The following RNF121 variants were observed in gnomAD, a reference collection of about 807,000 sequenced individuals.
RNF121 encodes ring finger protein 121.
Under a neutral mutation model 46.5 loss-of-function variants are expected in RNF121, and 21 were observed. That is an observed-to-expected ratio of 0.45 (90% confidence interval 0.32 to 0.65). The LOEUF (loss-of-function observed/expected upper bound fraction) is 0.65. Among genes scored for constraint, RNF121 ranks in the 30% least tolerant of loss-of-function variants. The probability of loss-of-function intolerance (pLI) is 0.04; values close to 1 mark genes in which losing one functional copy is unlikely to be tolerated. For missense variants in RNF121, 346 were observed against 416.0 expected (o/e 0.83, Z 1.46); for synonymous variants, 139 against 144.7 (o/e 0.96, Z 0.28).
chr11:71,995,409 C>A (rs76950159), intron 7 of RNF121, 41 bp from the exon 8 acceptor site: 118 of 1,505,090 alleles, frequency 7.8e-5, no homozygotes, highest in Non-Finnish European at 1.0e-4. Flanking sequence ...GCTGGAGTGC[C>A]GCCCTGGCTC....
At chr11:71,975,836 C>T (rs1165881799) in intron 3 of RNF121, among the ~76,000 whole-genome samples, 2 of 152,082 alleles carry the variant, frequency 1.3e-5, no homozygotes, top group African/African-American at 4.8e-5. Context: ...AAGAGTTGGA[C>T]CCAGAGACAG....
chr11:71,968,887 TC>T, intron 3 of RNF121, among the ~76,000 whole-genome samples: 1 of 57,844 alleles, frequency 1.7e-5, no homozygotes, highest in East Asian at 4.3e-4. Flanking sequence ...TTTCTTTCTT[TC>T]TTTTTTTTTT....
intron 3 of RNF121, chr11:71,962,360 TA>T: frequency 1.2e-6 from 1 of 868,310 alleles, no homozygotes; most frequent in African/African-American, 1.8e-5. Flanking sequence ...ATCCTTTCTT[TA>T]AACATTATCT....
At chr11:71,935,757 T>A (rs946641626) in intron 1 of RNF121, among the ~76,000 whole-genome samples, 1 of 152,172 alleles carries the variant, frequency 6.6e-6, no homozygotes, top group South Asian at 2.1e-4. Flanking sequence ...AGAGTTTTAT[T>A]TTGGCCATGT....
chr11:71,969,176 C>T (rs753732009), intron 3 of RNF121, among the ~76,000 whole-genome samples: 14 of 152,020 alleles, frequency 9.2e-5, no homozygotes, highest in South Asian at 2.1e-4. Flanking sequence ...CGTGAGCCAC[C>T]GTGCCTGGCC....
intron 3 of RNF121, among the ~76,000 whole-genome samples, chr11:71,972,745 G>C (rs969750294): frequency 6.6e-6 from 1 of 152,038 alleles, no homozygotes; most frequent in African/African-American, 2.4e-5. Flanking sequence ...TCCCTGATGA[G>C]AAACACTGTC....
chr11:71,974,280 T>G (rs1419545175), intron 3 of RNF121, among the ~76,000 whole-genome samples: 1 of 152,250 alleles, frequency 6.6e-6, no homozygotes, highest in Non-Finnish European at 1.5e-5. Flanking sequence ...TGTATCTAAA[T>G]TTTAGATACT....
At chr11:71,964,799 C>T (rs1272557049) in intron 3 of RNF121, among the ~76,000 whole-genome samples, 1 of 151,994 alleles carries the variant, frequency 6.6e-6, no homozygotes, top group Non-Finnish European at 1.5e-5. Flanking sequence ...TGTTTTAGTA[C>T]AAGTTAGCAA....
At chr11:71,995,841 G>A (rs1322669600) in intron 8 of RNF121, among the ~76,000 whole-genome samples, 1 of 152,228 alleles carries the variant, frequency 6.6e-6, no homozygotes, top group Non-Finnish European at 1.5e-5. Context: ...CTTAGAGAAG[G>A]TGTTACAGGA....
chr11:71,977,451 T>C (rs973093499), intron 3 of RNF121, among the ~76,000 whole-genome samples: 2 of 152,226 alleles, frequency 1.3e-5, no homozygotes, highest in Non-Finnish European at 2.9e-5. Flanking sequence ...TGGTTCCAGC[T>C]CTCAGTTAAG....
chr11:71,954,456 C>T lies in RNF121; in HGVS notation c.64-2771C>T, dbSNP rs1420231427. Among the ~76,000 whole-genome samples, 5 of 152,346 alleles carry T rather than the reference C, an allele frequency of 3.3e-5. No homozygotes were observed. In the South Asian group the frequency reaches 8.3e-4, roughly 25 times the overall value. ...CTTCCCTGAGGCTCTGACAGCATTA[C>T]TGTCCTCTGCTTCACCAACATTCAA... On this transcript the variant is annotated intron_variant, in intron 1 of 8. Coordinates refer to ENST00000361756, the MANE Select transcript of RNF121 (RefSeq NM_018320.5).
At chr11:71,995,217 C>A in intron 7 of RNF121, 1 of 586,024 alleles carries the variant, frequency 1.7e-6, no homozygotes, top group Non-Finnish European at 3.0e-6. Flanking sequence ...AGCTCCCATT[C>A]TCTGCCTATG....
intron 6 of RNF121, chr11:71,990,923 C>T: frequency 3.3e-6 from 2 of 605,144 alleles, no homozygotes; most frequent in Non-Finnish European, 5.6e-6. Flanking sequence ...TGCGTTGCAG[C>T]AACATGCCAG....
Position 71,970,919 on chromosome 11 carries a change from A to G in RNF121, c.243+10028A>G, listed in dbSNP as rs1333430628. ...TGGATGGGAATTTAATATATAATAAAGGTGTAACCACCAATCAATAAGAAG... is the reference window on the plus strand; with the variant it reads ...TGGATGGGAATTTAATATATAATAAGGGTGTAACCACCAATCAATAAGAAG... On this transcript the variant is annotated intron_variant, in intron 3 of 8. Transcript: ENST00000361756. 1.3e-5 allele frequency among the ~76,000 whole-genome samples: 2 copies of G among 152,194 alleles called. 1 individual carries two copies. The highest frequency in any genetic ancestry group is 3.8e-4 in the East Asian group (2 of 5,200).
chr11:71,952,437 ATACTT>A (rs1953902641), intron 1 of RNF121, among the ~76,000 whole-genome samples: 1 of 152,222 alleles, frequency 6.6e-6, no homozygotes, highest in Non-Finnish European at 1.5e-5. Context: ...CTCGAATAGT[ATACTT>A]AATTTTTTAA....
rs77256982 is a variant in RNF121 at position 71,952,170 on chromosome 11, G to C, written c.64-5057G>C. Among the ~76,000 whole-genome samples, 658 of 152,286 alleles carry C rather than the reference G, an allele frequency of 4.3e-3. 2 individuals are homozygous for C. Among genetic ancestry groups the C allele is most frequent in the African/African-American group, 0.015 (628 of 41,552 alleles). On this transcript the variant is annotated intron_variant, in intron 1 of 8. Transcript: ENST00000361756. ...AATGAACTACAGTACATGCTACAAA[G>C]TGGATGAACCTTGAAAGAATTATGC...
At chr11:71,980,711 C>G (rs1954632939) in intron 3 of RNF121, among the ~76,000 whole-genome samples, 2 of 152,160 alleles carry the variant, frequency 1.3e-5, no homozygotes, top group African/African-American at 4.8e-5. Context: ...CAACTAAACA[C>G]TAAAACTGCT....
chr11:71,946,792 A>T (rs1953733358), intron 1 of RNF121, among the ~76,000 whole-genome samples: 1 of 150,858 alleles, frequency 6.6e-6, no homozygotes, highest in Admixed American at 6.6e-5. Flanking sequence ...AGCTCACTGC[A>T]GCCTCTGCCT....
intron 5 of RNF121, among the ~76,000 whole-genome samples, chr11:71,987,992 G>T (rs1200084640): frequency 4.6e-5 from 7 of 152,200 alleles, no homozygotes; most frequent in Non-Finnish European, 1.5e-5. Context: ...AAGCAGTGTT[G>T]CCTGTAATAT....
Sources: allele counts gnomAD v4.1 joint callset (sites outside exome capture counted in the v4.1 genomes callset), GRCh38; gene constraint gnomAD v4.1.1; transcripts MANE v1.5; gene names NCBI Gene and HGNC (gene_info 2026-07-23, HGNC 2026-07-21).